MYO7B: variants seen among roughly 807,000 people sequenced by gnomAD.
MYO7B encodes myosin VIIB, also known as unconventional myosin-VIIb.
MYO7B carries 212 observed loss-of-function variants against 259.7 expected under a neutral mutation model. The ratio of observed to expected loss-of-function variants is 0.82; its 90% CI spans 0.73 to 0.91. MYO7B has a LOEUF of 0.91. Ranked by LOEUF, MYO7B falls within the 40% of genes least tolerant of loss-of-function variation. The pLI is 0.00. For synonymous variants in MYO7B, 1,197 were observed against 1,166.4 expected, an observed-to-expected ratio of 1.03 and a Z score of -0.54; for missense variants, 2,732 against 2,813.5, an observed-to-expected ratio of 0.97 and a Z score of 0.66.
rs1258009385 is a variant in MYO7B at position 127,552,581 on chromosome 2, T to G, written c.-23-7119T>G. Among the ~76,000 whole-genome samples the G allele has an allele frequency of 1.3e-5, 2 of 152,076 alleles. 1 individual carries two copies. The highest frequency in any genetic ancestry group is 1.3e-4 in the Admixed American group (2 of 15,270). On this transcript the variant is annotated intron_variant, in intron 1 of 47. Transcript: ENST00000409816. ...CGTCTATGGTATGTGACAGGCCATG[T>G]GGGGAATGGCAGGACCAACATGGGG...
rs1280674016 is a variant in MYO7B, at chr2:127,588,422, G to A, written c.1721G>A (p.Ser574Asn). 1 of 1,612,962 alleles carries A rather than the reference G, an allele frequency of 6.2e-7. No individual in the cohort carries two copies. The highest frequency in any genetic ancestry group is 8.5e-7 in the Non-Finnish European group (1 of 1,179,860). ...CTGGAGAAGAACCGAGACGTGCTGAGCACAGATATCCTCACCCTGGTTTAC... is the reference window on the plus strand; with the variant it reads ...CTGGAGAAGAACCGAGACGTGCTGAACACAGATATCCTCACCCTGGTTTAC... The part of the protein sequence containing the change: ...GFLEKNRDVL[S>N]TDILTLVYSS... Residue 574 changes from serine to asparagine, a missense_variant, in exon 15 of 48, where the codon AGC becomes AAC. By Grantham distance (46) the Ser-to-Asn change is conservative. Around this residue, in one of 3 missense-constraint regions of MYO7B, gnomAD observed 1,906 missense variants for 2,026.4 expected, o/e 0.94. Coordinates refer to ENST00000409816, the MANE Select transcript of MYO7B (RefSeq NM_001393586.1).
At chr2:127,635,014 G>A in intron 42 of MYO7B, 106 bp from the exon 43 acceptor site, 1 of 855,836 alleles carries the variant, frequency 1.2e-6, no homozygotes, top group South Asian at 1.5e-5. Flanking sequence ...AAGCGTGGGG[G>A]CTTTCGAGGC....
Position 127,632,311 on chromosome 2 carries a change from G to A in MYO7B, c.5315G>A (p.Gly1772Glu). 1 of 1,610,958 alleles carries A rather than the reference G, an allele frequency of 6.2e-7. No individual in the cohort carries two copies. The highest frequency in any genetic ancestry group is 1.1e-5 in the South Asian group (1 of 90,880). The change falls in exon 39 of 48, where the codon GGG (glycine) becomes GAG (glutamate). Residue 1772 changes from glycine to glutamate, a missense_variant. This residue lies in a region of MYO7B where 821 missense variants were observed against 769.3 expected (regional missense o/e 1.07). Coordinates refer to ENST00000409816, the MANE Select transcript of MYO7B (RefSeq NM_001393586.1). ...ACGGGCCTCTTCCCGCCCAGCAAGG[G>A]GCTGCTGCCCCATGCCCAGAAGTTT... ...LCTGLFPPSK[G>E]LLPHAQKFID... is the part of the protein sequence containing the mutation.
chr2:127,612,660 C>G (rs369921920), intron 26 of MYO7B, 57 bp downstream of exon 26: 2 of 1,584,334 alleles, frequency 1.3e-6, no homozygotes, highest in Non-Finnish European at 1.7e-6. Flanking sequence ...CTCACTGGCT[C>G]TCAGCCCATG....
chr2:127,583,144 G>A (rs1679168603), intron 12 of MYO7B, among the ~76,000 whole-genome samples: 1 of 152,246 alleles, frequency 6.6e-6, no homozygotes, highest in Admixed American at 6.5e-5. Context: ...CACTGAAAGG[G>A]CTTGATGGGA....
chr2:127,612,534 A>G lies in MYO7B; in HGVS notation c.3329A>G (p.Asp1110Gly). ...EALEPDGLGA[D>G]RPMSNLEKVH... is the part of the protein sequence containing the mutation. ...TTGGAGCCTGATGGCCTTGGTGCAGACCGGCCCATGTCCAACCTGGAGAAG... is the reference window on the plus strand; with the variant it reads ...TTGGAGCCTGATGGCCTTGGTGCAGGCCGGCCCATGTCCAACCTGGAGAAG... Residue 1110 changes from aspartate (D) to glycine (G), a missense_variant, in exon 26 of 48, where the codon GAC (aspartate) becomes GGC (glycine). This residue lies in a region of MYO7B where 1,906 missense variants were observed against 2,026.4 expected (regional missense o/e 0.94). Coordinates refer to ENST00000409816, the MANE Select transcript of MYO7B (RefSeq NM_001393586.1). 6.3e-7 allele frequency: 1 copy of G among 1,586,486 alleles called. No homozygotes were observed. Among genetic ancestry groups the G allele is most frequent in the Non-Finnish European group, 8.6e-7 (1 of 1,166,524 alleles).
At chr2:127,582,592 G>A in intron 12 of MYO7B, 146 bp downstream of exon 12, 4 of 982,520 alleles carry the variant, frequency 4.1e-6, no homozygotes, top group Non-Finnish European at 5.9e-6. Context: ...TGCATGGGGT[G>A]GCTGCTGTCC....
At chr2:127,589,102 G>A (rs1356144909) in intron 15 of MYO7B, among the ~76,000 whole-genome samples, 2 of 149,982 alleles carry the variant, frequency 1.3e-5, no homozygotes, top group African/African-American at 4.9e-5. Flanking sequence ...TCGATGGTTG[G>A]GTGGATGGGT....
Position 127,608,065 on chromosome 2 carries a change from C to T in MYO7B, c.2643+641C>T, listed in dbSNP as rs368256828. 2.0e-5 allele frequency among the ~76,000 whole-genome samples: 3 copies of T among 152,164 alleles called. No individual in the cohort carries two copies. In the East Asian group the frequency reaches 5.8e-4, roughly 29 times the overall value. ...CAGGGGGACAGCACCAAGAAAATAA[C>T]CCCATTTCCTCCATCGAGTACTCGA... is the stretch of plus-strand genomic sequence containing the variant. On this transcript the variant is annotated intron_variant, in intron 21 of 47. Coordinates refer to ENST00000409816, the MANE Select transcript of MYO7B (RefSeq NM_001393586.1).
chr2:127,550,365 A>G (rs1357691308), intron 1 of MYO7B, among the ~76,000 whole-genome samples: 1 of 152,176 alleles, frequency 6.6e-6, no homozygotes, highest in Non-Finnish European at 1.5e-5. Context: ...CAGGAGTTCA[A>G]GACCAGCCTG....
rs1223912517 is a variant in MYO7B at position 127,586,247 on chromosome 2, G to A, written c.1690+1334G>A. ...TTTTGGGATATGTTGAGAGAGGATCGGTAATGGTTTTGACTGAAGAAGTGA... is the reference window on the plus strand; with the variant it reads ...TTTTGGGATATGTTGAGAGAGGATCAGTAATGGTTTTGACTGAAGAAGTGA... On this transcript the variant is annotated intron_variant, in intron 14 of 47. Coordinates refer to ENST00000409816, the MANE Select transcript of MYO7B (RefSeq NM_001393586.1). This position sits in a 1 kb window ranked among gnomAD's most constrained non-coding sequence, Gnocchi z 4.8. Among the ~76,000 whole-genome samples the A allele has an allele frequency of 2.0e-5, 3 of 152,130 alleles. No individual in the cohort carries two copies. Among genetic ancestry groups the A allele is most frequent in the Admixed American group, 1.3e-4 (2 of 15,268 alleles).
At position 127,607,525 on chromosome 2, in the gene MYO7B, C is replaced by A. The variant is rs570551692; in HGVS notation, c.2643+101C>A. The A allele has an allele frequency of 3.9e-5, 41 of 1,052,610 alleles. No individual in the cohort carries two copies. Among genetic ancestry groups the A allele is most frequent in the Non-Finnish European group, 5.2e-5 (38 of 736,270 alleles). 65.2% of individuals were successfully genotyped at this position (1,052,610 alleles called of 1,614,324 possible). A position where few individuals can be genotyped will look rare whatever the true frequency, so the allele number is the denominator to read the frequency against. On this transcript the variant is annotated intron_variant, in intron 21 of 47. Transcript: ENST00000409816. This position sits in a 1 kb window ranked among gnomAD's most constrained non-coding sequence, Gnocchi z 4.4. ...GGCTGTGTAGAGAGCTCACCAGAAG[C>A]GCTTTGGAAAATCCCCCCGCCCCCG... is the stretch of plus-strand genomic sequence containing the variant.
chr2:127,621,765 A>C (rs60935161), intron 27 of MYO7B, among the ~76,000 whole-genome samples: 1 of 152,118 alleles, frequency 6.6e-6, no homozygotes, highest in Non-Finnish European at 1.5e-5. Context: ...GTTGTGACAA[A>C]GAGTGTGCAC....
chr2:127,581,698 G>T (rs1416963207), intron 10 of MYO7B, among the ~76,000 whole-genome samples, 193 bp from the exon 11 acceptor site: 2 of 152,154 alleles, frequency 1.3e-5, no homozygotes, highest in African/African-American at 4.8e-5. Flanking sequence ...CCCACTGAGG[G>T]CTTGACCCAC....
chr2:127,608,878 G>A lies in MYO7B; in HGVS notation c.2814G>A (p.Glu938=). ...GQEGQASPHF[E]DLESKTQKLL... ...AGGGCCAGGCCTCGCCGCACTTTGA[G>A]GTAACACAAGCCTGGTGTCCACAAT... Residue 938 remains glutamate, a splice_region_variant and synonymous_variant, in exon 22 of 48, where the codon GAG becomes GAA. Transcript: ENST00000409816. The A allele has an allele frequency of 6.2e-7, 1 of 1,611,328 alleles. No individual in the cohort carries two copies. The highest frequency in any genetic ancestry group is 2.2e-5 in the East Asian group (1 of 44,798).
chr2:127,605,552 G>A (rs1046225684), intron 19 of MYO7B, among the ~76,000 whole-genome samples: 12 of 152,286 alleles, frequency 7.9e-5, no homozygotes, highest in African/African-American at 2.6e-4. Flanking sequence ...GCCGAGATCC[G>A]TGCCATTGCA....
At chr2:127,635,940 C>A in intron 44 of MYO7B, 33 bp downstream of exon 44, 1 of 1,546,948 alleles carries the variant, frequency 6.5e-7, no homozygotes, top group Non-Finnish European at 8.7e-7. Flanking sequence ...GGTTCTTGTG[C>A]TGCTGCTCCT....
intron 6 of MYO7B, among the ~76,000 whole-genome samples, chr2:127,572,483 CCTTT>C (rs761085111): frequency 7.4e-5 from 11 of 147,846 alleles, no homozygotes; most frequent in Non-Finnish European, 1.3e-4. Context: ...CTCCTTCCTT[CCTTT>C]CTTTTTCTCC....
rs750634319 is a variant in MYO7B at position 127,596,562 on chromosome 2, G to A, written c.2339+6G>A. 9.3e-6 allele frequency: 15 copies of A among 1,606,154 alleles called. No homozygotes were observed. In the African/African-American group the frequency reaches 1.3e-4, roughly 14 times the overall value. ...CTTCGGGGCTACAGATACAGGTGCC[G>A]GCCCCACCCCAAGGCCCACCCAGCC... On this transcript the variant is annotated splice_donor_region_variant and intron_variant, in intron 19 of 47. Transcript: ENST00000409816.
Sources: gnomAD v4.1 joint callset for allele counts (sites outside exome capture counted in the v4.1 genomes callset) on GRCh38, gnomAD v4.1.1 for gene constraint, gnomAD v4.1.1 regional missense constraint, Gnocchi (gnomAD v3.1) non-coding constraint, MANE v1.5 for transcripts, NCBI Gene and HGNC (gene_info 2026-07-23, HGNC 2026-07-21) for gene names.